The following CHIC1 variants were observed in gnomAD, a reference collection of about 807,000 sequenced individuals.
CHIC1 encodes the protein cysteine-rich hydrophobic domain-containing protein 1.
CHIC1 carries 7 observed loss-of-function variants against 18.5 expected under a neutral mutation model. That is an observed-to-expected ratio of 0.38 (90% CI 0.22 to 0.71). CHIC1 has a LOEUF of 0.71. CHIC1 is among the 30% of genes least tolerant of loss of function. CHIC1 has a pLI of 0.49. For synonymous variants in CHIC1, 77 were observed against 73.5 expected (o/e 1.05, Z -0.25); for missense variants, 159 against 176.9 (o/e 0.90, Z 0.57).
chrX:73,606,177 G>C (rs1160627342), intron 3 of CHIC1, among the ~76,000 whole-genome samples: 1 of 106,874 alleles, frequency 9.4e-6, no homozygotes, highest in Non-Finnish European at 1.9e-5. Context: ...GGCTTTGTTT[G>C]TTCCTTTTCA....
At chrX:73,599,217 A>G (rs775011348) in intron 3 of CHIC1, among the ~76,000 whole-genome samples, 1 of 109,531 alleles carries the variant, frequency 9.1e-6, no homozygotes, top group South Asian at 3.9e-4. Context: ...AGTTCATTGT[A>G]GATTCTGGAT....
chrX:73,599,799 G>A (rs1445060772), intron 3 of CHIC1, among the ~76,000 whole-genome samples: 1 of 107,345 alleles, frequency 9.3e-6, no homozygotes, highest in African/African-American at 3.7e-5. Context: ...TGGCTTAGGA[G>A]TGACTTGGCA....
At chrX:73,619,855 CT>C (rs1401703789) in intron 3 of CHIC1, among the ~76,000 whole-genome samples, 1 of 110,954 alleles carries the variant, frequency 9.0e-6, no homozygotes, top group African/African-American at 3.3e-5. Flanking sequence ...TATCCCTCCC[CT>C]TTTCCCCCAC....
Position 73,679,731 on chromosome X carries a change from T to G in CHIC1, c.624+18T>G. The stretch of plus-strand genomic sequence containing the variant: ...TGGAGTATGTAAGTATGAGGTTGTT[T>G]TTAATTATTTTTTTATTCATTCTAA... On this transcript the variant is annotated intron_variant, in intron 5 of 5. Coordinates refer to ENST00000373502, the MANE Select transcript of CHIC1 (RefSeq NM_001039840.4). 1.1e-6 allele frequency: 1 copy of G among 900,272 alleles called. No individual in the cohort carries two copies. Among genetic ancestry groups the G allele is most frequent in the Non-Finnish European group, 1.5e-6 (1 of 669,987 alleles). 74.2% of individuals were successfully genotyped at this position (900,272 alleles called of 1,213,427 possible).
chrX:73,641,258 G>A (rs2057854564), intron 3 of CHIC1, among the ~76,000 whole-genome samples: 1 of 110,837 alleles, frequency 9.0e-6, no homozygotes, highest in African/African-American at 3.3e-5. Context: ...GTCTGATTGT[G>A]TGGTCAATTT....
At chrX:73,601,714 G>A (rs946656271) in intron 3 of CHIC1, among the ~76,000 whole-genome samples, 5 of 103,791 alleles carry the variant, frequency 4.8e-5, no homozygotes, top group Admixed American at 2.1e-4. Flanking sequence ...TAAAATCAGA[G>A]CAGAACTGAA....
chrX:73,630,493 A>G (rs1037164303), intron 3 of CHIC1, among the ~76,000 whole-genome samples: 6 of 111,781 alleles, frequency 5.4e-5, no homozygotes, highest in African/African-American at 2.0e-4. Context: ...ACATATTAAT[A>G]TGATCATGAT....
At chrX:73,663,203 G>A (rs888528816) in intron 3 of CHIC1, among the ~76,000 whole-genome samples, 3 of 111,268 alleles carry the variant, frequency 2.7e-5, no homozygotes, top group African/African-American at 6.5e-5. Flanking sequence ...TCCATTTACC[G>A]GACTTTTGGG....
chrX:73,593,024 T>C (rs1348863647), intron 3 of CHIC1, among the ~76,000 whole-genome samples: 1 of 110,986 alleles, frequency 9.0e-6, no homozygotes, highest in African/African-American at 3.3e-5. Context: ...TGAGGATCTT[T>C]TATATTCCTG....
At chrX:73,661,679 T>C (rs952490325) in intron 3 of CHIC1, among the ~76,000 whole-genome samples, 2 of 111,484 alleles carry the variant, frequency 1.8e-5, no homozygotes, top group African/African-American at 6.5e-5. Context: ...GTGGACTTCA[T>C]GAGGGCTGTT....
intron 3 of CHIC1, among the ~76,000 whole-genome samples, chrX:73,604,082 C>T (rs1229011059): frequency 9.3e-6 from 1 of 107,546 alleles, no homozygotes; most frequent in East Asian, 2.8e-4. Context: ...AGGAATGGTA[C>T]CAGCTCCTGT....
chrX:73,593,285 T>G (rs1458596899), intron 3 of CHIC1, among the ~76,000 whole-genome samples: 1 of 111,409 alleles, frequency 9.0e-6, no homozygotes, highest in Non-Finnish European at 1.9e-5. Context: ...AGGTGCAATG[T>G]TAGATTGATA....
chrX:73,644,295 C>A (rs963435138), intron 3 of CHIC1, among the ~76,000 whole-genome samples: 3 of 112,286 alleles, frequency 2.7e-5, no homozygotes, highest in Non-Finnish European at 5.6e-5. Flanking sequence ...TCTGCCCCTA[C>A]TGGGGGGTGC....
At chrX:73,630,113 C>G (rs2057800609) in intron 3 of CHIC1, among the ~76,000 whole-genome samples, 1 of 111,738 alleles carries the variant, frequency 8.9e-6, no homozygotes, top group African/African-American at 3.2e-5. Context: ...TGTATTCAAA[C>G]CTTTACTGAA....
At chrX:73,610,807 G>A (rs1247687058) in intron 3 of CHIC1, among the ~76,000 whole-genome samples, 1 of 107,939 alleles carries the variant, frequency 9.3e-6, no homozygotes, top group East Asian at 2.8e-4. Context: ...TTTGATGCTG[G>A]TAGGTTATAG....
At chrX:73,616,450 C>T (rs890434975) in intron 3 of CHIC1, among the ~76,000 whole-genome samples, 25 of 111,907 alleles carry the variant, frequency 2.2e-4, no homozygotes, top group African/African-American at 7.5e-4. Flanking sequence ...GTCTGGAGGA[C>T]AATGGCCCTC....
In CHIC1 at chrX:73,610,452, G is replaced by T. The variant is rs371187197; in HGVS notation, c.507+25880G>T. Among the ~76,000 whole-genome samples, 6 of 106,596 alleles carry T rather than the reference G, an allele frequency of 5.6e-5. 1 individual carries two copies. Among genetic ancestry groups the T allele is most frequent in the African/African-American group, 2.2e-4 (6 of 27,138 alleles). 92.6% of individuals were successfully genotyped at this position (106,596 alleles called of 115,157 possible). ...ACTGGGTACCTCAGTTGGAAATGCA[G>T]AAATCACTTGCCTTCTGTGTTGGTC... On this transcript the variant is annotated intron_variant, in intron 3 of 5. Coordinates refer to ENST00000373502, the MANE Select transcript of CHIC1 (RefSeq NM_001039840.4).
chrX:73,578,852 C>G (rs2057513216), intron 2 of CHIC1: 1 of 109,772 alleles, frequency 9.1e-6, no homozygotes, highest in Admixed American at 9.7e-5. Flanking sequence ...GACTATATTA[C>G]CTTTTGAACT....
At chrX:73,637,104 C>A (rs749805546) in intron 3 of CHIC1, among the ~76,000 whole-genome samples, 8 of 110,838 alleles carry the variant, frequency 7.2e-5, no homozygotes, top group Non-Finnish European at 1.3e-4. Flanking sequence ...CTTAGAACGT[C>A]TTAATTTTTC....
Sources: allele counts gnomAD v4.1 joint callset (sites outside exome capture counted in the v4.1 genomes callset), GRCh38; gene constraint gnomAD v4.1.1; transcripts MANE v1.5; gene names NCBI Gene and HGNC (gene_info 2026-07-23, HGNC 2026-07-21).